The following MAP4 variants were observed in gnomAD, a reference collection of about 807,000 sequenced individuals.
MAP4 encodes the protein microtubule associated protein 4, also known as microtubule-associated protein 4.
A neutral mutation model predicts 170.2 loss-of-function variants in MAP4; 76 were observed. That is an observed-to-expected ratio of 0.45 (90% CI 0.37 to 0.54). The LOEUF is 0.54. MAP4 is among the 20% of genes least tolerant of loss of function. The probability of loss-of-function intolerance (pLI) is 0.00; values close to 1 mark genes in which losing one functional copy is unlikely to be tolerated. For missense variants in MAP4, 2,506 were observed against 2,748.0 expected (o/e 0.91, Z 1.97); for synonymous variants, 909 against 994.5 (o/e 0.91, Z 1.62).
At chr3:47,884,591 C>G (rs1457021357) in intron 10 of MAP4, among the ~76,000 whole-genome samples, 3 of 152,212 alleles carry the variant, frequency 2.0e-5, no homozygotes, top group Middle Eastern at 3.4e-3. Flanking sequence ...TAACTAATCC[C>G]TTTTGGTACT....
chr3:47,958,512 G>A (rs1032065759), intron 3 of MAP4, among the ~76,000 whole-genome samples: 10 of 151,934 alleles, frequency 6.6e-5, no homozygotes, highest in Non-Finnish European at 1.2e-4. Flanking sequence ...GTTGGAATTA[G>A]TTCAGTTTAG....
At chr3:47,898,939 G>A (rs1260461794) in intron 10 of MAP4, among the ~76,000 whole-genome samples, 4 of 152,094 alleles carry the variant, frequency 2.6e-5, no homozygotes, top group African/African-American at 7.2e-5. Context: ...CAGCCTGAGC[G>A]ACAGAGACCT....
In MAP4 at chr3:47,852,708, G is replaced by C; in HGVS notation, c.*226C>G. The C allele has an allele frequency of 6.7e-7, 1 of 1,491,436 alleles. No homozygotes were observed. The highest frequency in any genetic ancestry group is 8.9e-7 in the Non-Finnish European group (1 of 1,118,382). The allele number at this position is 1,491,436 out of a possible 1,614,324, so 92.4% of individuals were successfully genotyped here. A position where few individuals can be genotyped will look rare whatever the true frequency, so the allele number is the denominator to read the frequency against. ...GGGAGTGAGAGGAGGTGTGGGGCAG[G>C]GCTGCTGCTGCCCCGGGCACGCAAA... On this transcript the variant is annotated 3_prime_UTR_variant, in exon 21 of 21. Transcript: ENST00000683076.
chr3:47,973,084 T>G, intron 3 of MAP4: 1 of 981,212 alleles, frequency 1.0e-6, no homozygotes, highest in Non-Finnish European at 1.2e-6. Context: ...GTCCATAAGG[T>G]GTTAATGTAA....
chr3:48,024,146 C>T lies in MAP4; in HGVS notation c.-19-25267G>A, dbSNP rs148271746. The stretch of plus-strand genomic sequence containing the variant: ...CCAACATGGTGAAATCCTGTCTCTA[C>T]TAAAAATACAAAAATTAGCTGGGCG... On this transcript the variant is annotated intron_variant, in intron 1 of 18. Transcript: ENST00000360240. 4.3e-3 allele frequency among the ~76,000 whole-genome samples: 647 copies of T among 152,128 alleles called. 5 individuals are homozygous for T. The highest frequency in any genetic ancestry group is 0.014 in the African/African-American group (590 of 41,504).
chr3:47,986,633 T>C (rs1408392399), intron 2 of MAP4, among the ~76,000 whole-genome samples: 1 of 151,966 alleles, frequency 6.6e-6, no homozygotes, highest in Non-Finnish European at 1.5e-5. Context: ...AGCCCCCGGG[T>C]CCCGGTCCCC....
intron 16 of MAP4, among the ~76,000 whole-genome samples, chr3:47,867,955 C>T (rs1050169484): frequency 9.9e-5 from 15 of 152,220 alleles, no homozygotes; most frequent in Non-Finnish European, 2.2e-4. Context: ...GGAGCGGCTA[C>T]AGCCTCCACA....
intron 2 of MAP4, among the ~76,000 whole-genome samples, chr3:47,979,252 T>C (rs2100084024): frequency 7.8e-6 from 1 of 129,024 alleles, no homozygotes; most frequent in Non-Finnish European, 1.7e-5. Flanking sequence ...GGTAGTTACC[T>C]AATCACCTAA....
At chr3:48,082,433 T>C (rs1307315474) in intron 1 of MAP4, among the ~76,000 whole-genome samples, 2 of 152,210 alleles carry the variant, frequency 1.3e-5, no homozygotes, top group African/African-American at 4.8e-5. Context: ...TGGTGACTCA[T>C]TTCTAGGTTC....
intron 1 of MAP4, among the ~76,000 whole-genome samples, chr3:48,041,459 A>G (rs1300606396): frequency 1.3e-5 from 2 of 152,170 alleles, no homozygotes; most frequent in African/African-American, 4.8e-5. Context: ...AAAATTCCTG[A>G]AAGAAATTAA....
intron 1 of MAP4, among the ~76,000 whole-genome samples, chr3:48,088,604 G>A (rs2100150668): frequency 6.6e-6 from 1 of 150,988 alleles, no homozygotes; most frequent in South Asian, 2.1e-4. Flanking sequence ...CCCCCCGCCT[G>A]GCCCCCTCCC....
At chr3:47,894,516 G>A (rs1389421175) in intron 10 of MAP4, among the ~76,000 whole-genome samples, 1 of 152,010 alleles carries the variant, frequency 6.6e-6, no homozygotes, top group Non-Finnish European at 1.5e-5. Context: ...CCACGAGGCG[G>A]AGCTTGCAGT....
At chr3:47,926,521 A>ATCTG (rs756674083) in intron 4 of MAP4, among the ~76,000 whole-genome samples, 2 of 151,672 alleles carry the variant, frequency 1.3e-5, no homozygotes, top group Admixed American at 6.6e-5. Flanking sequence ...TACTCTACCT[A>ATCTG]TCTGTCTGTC....
intron 17 of MAP4, among the ~76,000 whole-genome samples, chr3:47,861,798 G>GCT (rs2066602049): frequency 6.6e-6 from 1 of 151,642 alleles, no homozygotes; most frequent in African/African-American, 2.4e-5. Context: ...GGCGGAGGTT[G>GCT]CAGTGAGCCA....
intron 2 of MAP4, among the ~76,000 whole-genome samples, chr3:47,995,816 T>A (rs2100095226): frequency 6.6e-6 from 1 of 152,042 alleles, no homozygotes; most frequent in Admixed American, 6.5e-5. Flanking sequence ...CCAGGAAATA[T>A]GGGAGGTGAA....
intron 3 of MAP4, among the ~76,000 whole-genome samples, chr3:47,945,112 G>A (rs942316355): frequency 1.3e-5 from 2 of 151,802 alleles, no homozygotes; most frequent in Admixed American, 1.3e-4. Context: ...TAGCACTTTG[G>A]GAGGCTGAGG....
intron 3 of MAP4, among the ~76,000 whole-genome samples, chr3:47,972,598 A>C (rs1198889801): frequency 6.6e-6 from 1 of 152,192 alleles, no homozygotes; most frequent in Non-Finnish European, 1.5e-5. Flanking sequence ...ATCAAAAATC[A>C]TAAGTGGGCT....
intron 1 of MAP4, among the ~76,000 whole-genome samples, chr3:48,080,826 C>CA (rs1378360019): frequency 6.6e-6 from 1 of 151,482 alleles, no homozygotes; most frequent in Non-Finnish European, 1.5e-5. Context: ...TAAAAAAATA[C>CA]AAAAAATTAG....
At chr3:47,871,774 C>A in intron 13 of MAP4, 143 bp downstream of exon 13, 1 of 710,920 alleles carries the variant, frequency 1.4e-6, no homozygotes, top group South Asian at 2.2e-5. Context: ...AGGGCTACCA[C>A]TGTTCCAGGT....
Sources: allele counts gnomAD v4.1 joint callset (sites outside exome capture counted in the v4.1 genomes callset), GRCh38; gene constraint gnomAD v4.1.1; transcripts MANE v1.5; gene names NCBI Gene and HGNC (gene_info 2026-07-23, HGNC 2026-07-21).